Variants in COG5 observed in about 807,000 individuals in gnomAD.
The protein encoded by COG5 is component of oligomeric golgi complex 5, also known as conserved oligomeric Golgi complex subunit 5.
In COG5, 86 loss-of-function variants were observed where a neutral mutation model predicts 110.4. The ratio of observed to expected loss-of-function variants is 0.78; its 90% CI spans 0.65 to 0.93. The LOEUF (loss-of-function observed/expected upper bound fraction) is 0.93, where lower values mean the gene tolerates loss of function less well. Among genes scored for constraint, COG5 ranks in the 40% least tolerant of loss-of-function variants. The pLI is 0.00. For missense variants in COG5, 1,077 were observed against 987.0 expected (o/e 1.09, Z -1.22); for synonymous variants, 360 against 334.6 (o/e 1.08, Z -0.83).
chr7:107,309,457 T>C (rs1808023266), intron 11 of COG5, among the ~76,000 whole-genome samples: 1 of 152,152 alleles, frequency 6.6e-6, no homozygotes, highest in Non-Finnish European at 1.5e-5. Flanking sequence ...GATAGGACTA[T>C]AGCATGGAAC....
chr7:107,463,982 G>A (rs1040007372), intron 6 of COG5, among the ~76,000 whole-genome samples: 1 of 151,956 alleles, frequency 6.6e-6, no homozygotes, highest in African/African-American at 2.4e-5. Context: ...GTAGGATGGC[G>A]AATTGAGCAT....
intron 10 of COG5, among the ~76,000 whole-genome samples, chr7:107,345,481 G>C (rs988111048): frequency 1.3e-5 from 2 of 152,094 alleles, no homozygotes; most frequent in African/African-American, 4.8e-5. Context: ...TGCCTATACT[G>C]TATTATTCAA....
chr7:107,519,809 T>C (rs2520254), intron 6 of COG5, among the ~76,000 whole-genome samples: 62,704 of 151,500 alleles, frequency 0.41, 13,260 homozygotes, highest in Non-Finnish European at 0.47. Context: ...TCAGCATCAC[T>C]CTGATACCAA....
At chr7:107,417,932 C>A (rs1014453848) in intron 6 of COG5, among the ~76,000 whole-genome samples, 5 of 151,828 alleles carry the variant, frequency 3.3e-5, no homozygotes, top group African/African-American at 1.2e-4. Context: ...TTTGTATTTT[C>A]CCAGTCTATT....
Position 107,236,691 on chromosome 7 carries a change from T to C in COG5, c.1854-4A>G. On this transcript the variant is annotated splice_polypyrimidine_tract_variant and splice_region_variant and intron_variant, in intron 17 of 21. Transcript: ENST00000297135. ...TTTTCCTGAGCTGGATAATGACCTG[T>C]AAAAGAAAAAGCAGCCCTTTTCAGC... 6.2e-7 allele frequency: 1 copy of C among 1,606,606 alleles called. No individual in the cohort carries two copies. The highest frequency in any genetic ancestry group is 8.5e-7 in the Non-Finnish European group (1 of 1,173,226).
At chr7:107,544,649 T>C (rs1336374473) in intron 5 of COG5, among the ~76,000 whole-genome samples, 1 of 152,192 alleles carries the variant, frequency 6.6e-6, no homozygotes, top group Non-Finnish European at 1.5e-5. Flanking sequence ...GTCAGGCTAA[T>C]TGGTGAAGAA....
At chr7:107,453,184 T>C (rs1224157045) in intron 6 of COG5, among the ~76,000 whole-genome samples, 1 of 152,166 alleles carries the variant, frequency 6.6e-6, no homozygotes, top group Admixed American at 6.5e-5. Context: ...ATCTGAACAA[T>C]AGTCACAGGT....
chr7:107,222,826 A>T (rs1165081392), intron 19 of COG5, among the ~76,000 whole-genome samples: 1 of 152,232 alleles, frequency 6.6e-6, no homozygotes, highest in Non-Finnish European at 1.5e-5. Flanking sequence ...TAAATATAGC[A>T]GCACTTTCAA....
At chr7:107,505,369 T>C (rs1048826616) in intron 6 of COG5, among the ~76,000 whole-genome samples, 10 of 152,172 alleles carry the variant, frequency 6.6e-5, no homozygotes, top group Admixed American at 6.5e-4. Flanking sequence ...CTTAGCTCCC[T>C]TGTCAGGCTG....
chr7:107,258,928 C>T (rs952981569), intron 14 of COG5, among the ~76,000 whole-genome samples: 1 of 151,778 alleles, frequency 6.6e-6, no homozygotes, highest in African/African-American at 2.4e-5. Flanking sequence ...TCCTAATACA[C>T]TAATGAAATG....
At chr7:107,495,211 T>C (rs925759320) in intron 6 of COG5, among the ~76,000 whole-genome samples, 1 of 152,034 alleles carries the variant, frequency 6.6e-6, no homozygotes, top group Non-Finnish European at 1.5e-5. Context: ...ACTGAAAGGA[T>C]AGGGAAGAAA....
At chr7:107,407,566 G>A (rs765108345) in intron 7 of COG5, among the ~76,000 whole-genome samples, 2 of 150,354 alleles carry the variant, frequency 1.3e-5, no homozygotes, top group African/African-American at 4.9e-5. Flanking sequence ...ATTATAACAA[G>A]TGTGATAAAT....
intron 6 of COG5, among the ~76,000 whole-genome samples, chr7:107,426,497 C>A (rs970614725): frequency 5.3e-5 from 8 of 152,090 alleles, no homozygotes; most frequent in African/African-American, 1.9e-4. Context: ...ATCAGGGTGC[C>A]AACATGGTCA....
At chr7:107,361,840 G>A (rs376435052) in intron 10 of COG5, among the ~76,000 whole-genome samples, 193 bp downstream of exon 10, 30 of 152,154 alleles carry the variant, frequency 2.0e-4, no homozygotes, top group East Asian at 7.7e-4. Flanking sequence ...GATTACAGGC[G>A]TGACCCACCA....
chr7:107,296,335 A>G (rs528936870), intron 12 of COG5, among the ~76,000 whole-genome samples: 27 of 152,248 alleles, frequency 1.8e-4, no homozygotes, highest in Admixed American at 2.0e-4. Context: ...GTACATGCAC[A>G]TAGATTTAAA....
chr7:107,498,831 G>A (rs1374365218), intron 6 of COG5, among the ~76,000 whole-genome samples: 3 of 152,110 alleles, frequency 2.0e-5, no homozygotes, highest in African/African-American at 4.8e-5. Context: ...ATCTTGAGGA[G>A]GTATCTGCAC....
At chr7:107,387,469 T>G (rs1404658767) in intron 7 of COG5, among the ~76,000 whole-genome samples, 1 of 152,260 alleles carries the variant, frequency 6.6e-6, no homozygotes, top group South Asian at 2.1e-4. Flanking sequence ...CGTGTGTTCC[T>G]TGTATACAAG....
intron 6 of COG5, among the ~76,000 whole-genome samples, chr7:107,517,306 A>C (rs991956220): frequency 5.3e-5 from 8 of 152,156 alleles, no homozygotes; most frequent in Admixed American, 2.0e-4. Context: ...AAAAGAATGA[A>C]AAAAAAATGA....
At chr7:107,370,781 T>TAAAAAAAA (rs71314692) in intron 8 of COG5, among the ~76,000 whole-genome samples, 1 of 101,552 alleles carries the variant, frequency 9.8e-6, no homozygotes, top group Non-Finnish European at 2.0e-5. Context: ...AAACTCCAGC[T>TAAAAAAAA]AAAAAAAAAA....
Sources: gnomAD v4.1 joint callset for allele counts (sites outside exome capture counted in the v4.1 genomes callset) on GRCh38, gnomAD v4.1.1 for gene constraint, MANE v1.5 for transcripts, NCBI Gene and HGNC (gene_info 2026-07-23, HGNC 2026-07-21) for gene names.